The following ULK2 variants were observed in gnomAD, a reference collection of about 807,000 sequenced individuals.
ULK2 encodes the protein serine/threonine-protein kinase ULK2.
A neutral mutation model predicts 127.5 loss-of-function variants in ULK2; 76 were observed. The ratio of observed to expected loss-of-function variants is 0.60; its 90% CI spans 0.50 to 0.72. The LOEUF is 0.72. Among genes scored for constraint, ULK2 ranks in the 30% least tolerant of loss-of-function variants. ULK2 has a pLI of 0.00. For synonymous variants in ULK2, 452 were observed against 461.9 expected (o/e 0.98, Z 0.28); for missense variants, 1,144 against 1,295.9 (o/e 0.88, Z 1.80).
At chr17:19,855,380 G>C (rs1441369101) in intron 3 of ULK2, among the ~76,000 whole-genome samples, 2 of 151,400 alleles carry the variant, frequency 1.3e-5, no homozygotes, top group Admixed American at 6.6e-5. Flanking sequence ...CTCCAGCCTG[G>C]GTGACAGAGC....
intron 13 of ULK2, among the ~76,000 whole-genome samples, chr17:19,815,159 T>C (rs988548821): frequency 1.3e-4 from 20 of 152,154 alleles, no homozygotes; most frequent in Admixed American, 5.9e-4. Context: ...ATGGATACAA[T>C]TGTATGCAGA....
At chr17:19,847,237 C>G (rs1455281872) in intron 5 of ULK2, among the ~76,000 whole-genome samples, 1 of 152,086 alleles carries the variant, frequency 6.6e-6, no homozygotes, top group Non-Finnish European at 1.5e-5. Flanking sequence ...ATATGAATGT[C>G]CTTTACAAGC....
intron 3 of ULK2, among the ~76,000 whole-genome samples, chr17:19,854,609 C>A (rs2042084496): frequency 6.6e-6 from 1 of 151,902 alleles, no homozygotes; most frequent in Admixed American, 6.6e-5. Context: ...TAAGTTGAGT[C>A]CCTACATTAT....
chr17:19,820,345 C>A (rs1189150686), intron 12 of ULK2, among the ~76,000 whole-genome samples: 1 of 152,174 alleles, frequency 6.6e-6, no homozygotes, highest in African/African-American at 2.4e-5. Context: ...CCGTGTCCGG[C>A]CTAGCTCACT....
chr17:19,854,171 G>C (rs1202044212), intron 3 of ULK2, among the ~76,000 whole-genome samples: 1 of 151,450 alleles, frequency 6.6e-6, no homozygotes, highest in Non-Finnish European at 1.5e-5. Flanking sequence ...CCAGCTACTC[G>C]GAAGGCTGAA....
At chr17:19,816,572 A>T (rs1039819758) in intron 13 of ULK2, 177 bp downstream of exon 13, 2 of 489,240 alleles carry the variant, frequency 4.1e-6, no homozygotes, top group African/African-American at 2.0e-5. Flanking sequence ...GTTTAATAGA[A>T]GATGATTGAG....
chr17:19,807,511 A>C (rs1398855705), intron 14 of ULK2, among the ~76,000 whole-genome samples: 1 of 152,160 alleles, frequency 6.6e-6, no homozygotes, highest in East Asian at 1.9e-4. Flanking sequence ...TATTCCCTAC[A>C]TGTACTGAAA....
intron 9 of ULK2, among the ~76,000 whole-genome samples, chr17:19,840,818 G>A (rs908911863): frequency 6.6e-6 from 1 of 151,930 alleles, no homozygotes; most frequent in Non-Finnish European, 1.5e-5. Flanking sequence ...GAACTCGGGA[G>A]GGGGAGGCTG....
intron 22 of ULK2, 70 bp from the exon 23 acceptor site, chr17:19,782,137 A>AAC: frequency 7.0e-7 from 1 of 1,437,320 alleles, no homozygotes; most frequent in East Asian, 2.4e-5. Flanking sequence ...TCTGTACATA[A>AAC]ACCATGGCCG....
chr17:19,863,331 C>T (rs112740469), intron 3 of ULK2, among the ~76,000 whole-genome samples: 6,911 of 152,000 alleles, frequency 0.045, 514 homozygotes, highest in African/African-American at 0.16. Context: ...TTACCTTACC[C>T]GAATTCAACC....
At chr17:19,843,781 C>G (rs1302677466) in intron 7 of ULK2, among the ~76,000 whole-genome samples, 1 of 151,686 alleles carries the variant, frequency 6.6e-6, no homozygotes, top group Admixed American at 6.6e-5. Context: ...GTCTCAGCCT[C>G]CCAAGTAGCT....
At chr17:19,847,556 A>ATT (rs200781020) in intron 5 of ULK2, among the ~76,000 whole-genome samples, 1 of 150,034 alleles carries the variant, frequency 6.7e-6, no homozygotes, top group Non-Finnish European at 1.5e-5. Flanking sequence ...TTCCGTAAAT[A>ATT]TTTTTTTTTT....
intron 3 of ULK2, among the ~76,000 whole-genome samples, chr17:19,850,453 G>A (rs2041988451): frequency 1.3e-5 from 2 of 152,128 alleles, no homozygotes; most frequent in Admixed American, 6.6e-5. Flanking sequence ...CTCTTCAATG[G>A]CAATTTTTAT....
chr17:19,821,603 G>A (rs1483647423), intron 12 of ULK2, among the ~76,000 whole-genome samples: 1 of 152,176 alleles, frequency 6.6e-6, no homozygotes, highest in Admixed American at 6.5e-5. Flanking sequence ...GGCAGATGAT[G>A]TTAAATGTAA....
At chr17:19,792,179 A>G (rs1172683283) in intron 20 of ULK2, among the ~76,000 whole-genome samples, 1 of 152,176 alleles carries the variant, frequency 6.6e-6, no homozygotes, top group Non-Finnish European at 1.5e-5. Context: ...CAAAAGCAAG[A>G]GCAAACGAAA....
rs753904337 is a variant in ULK2, at chr17:19,796,071, G to A, written c.1997+24C>T. 3 of 1,586,080 alleles carry A rather than the reference G, an allele frequency of 1.9e-6. No individual in the cohort carries two copies. The African/African-American group carries it at 4.1e-5, about 22-fold the overall frequency. ...TACTATTACAGTTTTCATGTTTAAT[G>A]CTAGAATGGAAACAGTCTTTTACCT... On this transcript the variant is annotated intron_variant, in intron 19 of 26. Transcript: ENST00000395544.
At chr17:19,836,345 G>T (rs762008907) in intron 10 of ULK2, among the ~76,000 whole-genome samples, 42 of 151,946 alleles carry the variant, frequency 2.8e-4, no homozygotes, top group Non-Finnish European at 3.5e-4. Flanking sequence ...GGAGACGGAG[G>T]TTGCAGTGAG....
At chr17:19,788,662 T>C (rs1393516638) in intron 20 of ULK2, among the ~76,000 whole-genome samples, 1 of 152,110 alleles carries the variant, frequency 6.6e-6, no homozygotes, top group East Asian at 1.9e-4. Flanking sequence ...AAGCAGGCTC[T>C]TGGGGTTCCC....
intron 12 of ULK2, 147 bp downstream of exon 12, chr17:19,824,947 C>T (rs2041251176): frequency 1.3e-6 from 1 of 781,328 alleles, no homozygotes; most frequent in Non-Finnish European, 2.1e-6. Flanking sequence ...CCATTTGACC[C>T]AACTATCATG....
Sources: allele counts gnomAD v4.1 joint callset (sites outside exome capture counted in the v4.1 genomes callset), GRCh38; gene constraint gnomAD v4.1.1; transcripts MANE v1.5; gene names NCBI Gene and HGNC (gene_info 2026-07-23, HGNC 2026-07-21).